LARP4B: variants seen among roughly 807,000 people sequenced by gnomAD.
LARP4B encodes the protein La ribonucleoprotein 4B, also known as la-related protein 4B.
LARP4B carries 12 observed loss-of-function variants against 89.8 expected under a neutral mutation model. That is an observed-to-expected ratio of 0.13 (90% CI 0.09 to 0.22). The LOEUF is 0.22. Ranked by LOEUF, LARP4B falls within the 10% of genes least tolerant of loss-of-function variation. The probability of loss-of-function intolerance (pLI) is 1.00; values close to 1 mark genes in which losing one functional copy is unlikely to be tolerated. For synonymous variants in LARP4B, 367 were observed against 363.3 expected (o/e 1.01, Z -0.12); for missense variants, 757 against 947.7 (o/e 0.80, Z 2.64).
chr10:967,227 G>A, the LARP4B span, among the ~76,000 whole-genome samples: 577 of 152,288 alleles, frequency 3.8e-3, 7 homozygotes, highest in African/African-American at 0.013. Context: ...AAAGCTATTC[G>A]GAGGAAATGG....
At chr10:913,992 C>A (rs539046758) in intron 1 of LARP4B, among the ~76,000 whole-genome samples, 9 of 151,974 alleles carry the variant, frequency 5.9e-5, no homozygotes, top group Non-Finnish European at 1.2e-4. Flanking sequence ...TTTCACAAAC[C>A]CTTTTCAAAA....
In LARP4B at chr10:812,558, A is replaced by AG. The variant is rs1225525670; in HGVS notation, c.*367dup. On this transcript the variant is annotated 3_prime_UTR_variant, in exon 18 of 18. Coordinates refer to ENST00000316157, the MANE Select transcript of LARP4B (RefSeq NM_015155.3). ...CAGTTACTTAAAAAAAAAAAAAAAA[A>AG]GCAGAGTTCCCTTAATTTAGAAAAA... The AG allele has an allele frequency of 2.5e-5, 4 of 158,732 alleles. No individual in the cohort carries two copies. The highest frequency in any genetic ancestry group is 6.5e-5 in the Admixed American group (1 of 15,420). The allele number at this position is 158,732 out of a possible 1,614,324, so 9.8% of individuals were successfully genotyped here.
chr10:939,302 G>C, the LARP4B span, among the ~76,000 whole-genome samples: 12 of 152,198 alleles, frequency 7.9e-5, no homozygotes, highest in Non-Finnish European at 1.3e-4. Context: ...TGAAGGAACC[G>C]CAAGGGTGAG....
chr10:984,022 T>G, the LARP4B span, among the ~76,000 whole-genome samples: 1 of 152,236 alleles, frequency 6.6e-6, no homozygotes. Flanking sequence ...GCCTCCTCCC[T>G]CTGGAAAACG....
rs755749970 is a variant in LARP4B at position 884,515 on chromosome 10, T to C, written c.82-9A>G. On this transcript the variant is annotated splice_polypyrimidine_tract_variant and intron_variant, in intron 2 of 17. Transcript: ENST00000316157. ...GATATAGGACCATTCATCTGTAAAA[T>C]TGAAAACAAAGACAACATCAGTACA... The C allele has an allele frequency of 2.2e-5, 35 of 1,587,440 alleles. No homozygotes were observed. The highest frequency in any genetic ancestry group is 2.7e-5 in the African/African-American group (2 of 74,336).
At chr10:927,501 A>G (rs1171757797) in intron 1 of LARP4B, among the ~76,000 whole-genome samples, 3 of 152,218 alleles carry the variant, frequency 2.0e-5, no homozygotes, top group African/African-American at 4.8e-5. Flanking sequence ...TCCAATCAAA[A>G]TAACTCTAGA....
At chr10:898,701 T>G (rs10904578) in intron 1 of LARP4B, among the ~76,000 whole-genome samples, 43,570 of 152,160 alleles carry the variant, frequency 0.29, 6,981 homozygotes, top group East Asian at 0.5. Flanking sequence ...ATCAGAAACC[T>G]GGAAAGAAAA....
At chr10:983,653 G>C in the LARP4B span, among the ~76,000 whole-genome samples, 1 of 152,138 alleles carries the variant, frequency 6.6e-6, no homozygotes, top group African/African-American at 2.4e-5. Flanking sequence ...CATCAGGAGA[G>C]CTCCAGCCTC....
At chr10:873,262 C>T (rs1442297686) in intron 3 of LARP4B, 1 of 985,204 alleles carries the variant, frequency 1.0e-6, no homozygotes, top group Non-Finnish European at 1.2e-6. Flanking sequence ...CAAAAATAAC[C>T]CCTTGCACAG....
At chr10:917,716 C>G (rs895477655) in intron 1 of LARP4B, among the ~76,000 whole-genome samples, 4 of 152,212 alleles carry the variant, frequency 2.6e-5, no homozygotes, top group Admixed American at 2.6e-4. Flanking sequence ...CAGCATAGTC[C>G]TTGGCTTGGC....
At chr10:966,608 C>T in the LARP4B span, among the ~76,000 whole-genome samples, 1 of 152,372 alleles carries the variant, frequency 6.6e-6, no homozygotes, top group Non-Finnish European at 1.5e-5. Flanking sequence ...GCAGCTCAAA[C>T]CCGAGAGGCA....
At chr10:832,619 G>A (rs1032012581) in intron 8 of LARP4B, among the ~76,000 whole-genome samples, 2 of 152,060 alleles carry the variant, frequency 1.3e-5, no homozygotes, top group South Asian at 4.1e-4. Context: ...ACAGAAGGAT[G>A]GTGATAAAAA....
At chr10:979,265 C>T in the LARP4B span, among the ~76,000 whole-genome samples, 1 of 152,178 alleles carries the variant, frequency 6.6e-6, no homozygotes, top group African/African-American at 2.4e-5. Flanking sequence ...CTATTTCAAT[C>T]TGCTTAAGTT....
chr10:873,152 A>G, intron 3 of LARP4B: 1 of 985,270 alleles, frequency 1.0e-6, no homozygotes, highest in South Asian at 4.7e-5. Context: ...CATGTTTGAG[A>G]GCTCACAAGC....
the LARP4B span, chr10:972,978 C>T: frequency 3.8e-5 from 16 of 419,014 alleles, no homozygotes; most frequent in East Asian, 5.7e-4. Flanking sequence ...GTGCAGTAGG[C>T]GTTACCACTG....
At chr10:842,136 C>T (rs1833548992) in intron 7 of LARP4B, among the ~76,000 whole-genome samples, 1 of 152,118 alleles carries the variant, frequency 6.6e-6, no homozygotes, top group Admixed American at 6.5e-5. Context: ...ACCATCCACA[C>T]TTAATGCTTA....
intron 4 of LARP4B, 30 bp downstream of exon 4, chr10:864,093 G>T: frequency 6.2e-7 from 1 of 1,613,440 alleles, no homozygotes; most frequent in South Asian, 1.1e-5. Flanking sequence ...GAAAGCAGGG[G>T]GCTGCACACC....
intron 1 of LARP4B, among the ~76,000 whole-genome samples, chr10:904,979 T>G (rs111336946): frequency 5.9e-5 from 9 of 152,360 alleles, no homozygotes; most frequent in Non-Finnish European, 8.8e-5. Context: ...CACGCTAAAT[T>G]TATTTAAAAC....
chr10:893,298 T>A (rs1190236313), intron 1 of LARP4B, among the ~76,000 whole-genome samples: 1 of 152,148 alleles, frequency 6.6e-6, no homozygotes, highest in Non-Finnish European at 1.5e-5. Flanking sequence ...GCTATTTTAT[T>A]TTACATATTG....
Sources: allele counts gnomAD v4.1 joint callset (sites outside exome capture counted in the v4.1 genomes callset), GRCh38; gene constraint gnomAD v4.1.1; transcripts MANE v1.5; gene names NCBI Gene and HGNC (gene_info 2026-07-23, HGNC 2026-07-21).